ENOX1: variants seen among roughly 807,000 people sequenced by gnomAD.
ENOX1 encodes the protein candidate growth-related and time keeping constitutive hydroquinone (NADH) oxidase.
In ENOX1, 42 loss-of-function variants were observed where a neutral mutation model predicts 82.5. The ratio of observed to expected loss-of-function variants is 0.51; its 90% CI spans 0.40 to 0.66. ENOX1 has a LOEUF of 0.66. Among genes scored for constraint, ENOX1 ranks in the 30% least tolerant of loss-of-function variants. The probability of loss-of-function intolerance (pLI) is 0.00; values close to 1 mark genes in which losing one functional copy is unlikely to be tolerated. For synonymous variants in ENOX1, 271 were observed against 282.2 expected, an observed-to-expected ratio of 0.96 and a Z score of 0.40; for missense variants, 608 against 811.6, an observed-to-expected ratio of 0.75 and a Z score of 3.05.
At chr13:43,742,711 C>A (rs191829265) in intron 1 of ENOX1, among the ~76,000 whole-genome samples, 1 of 152,226 alleles carries the variant, frequency 6.6e-6, no homozygotes, top group East Asian at 1.9e-4. Flanking sequence ...GTGGCTCAAC[C>A]AAGAGAGTAG....
chr13:43,637,587 T>C (rs1328304141), intron 2 of ENOX1, among the ~76,000 whole-genome samples: 4 of 151,786 alleles, frequency 2.6e-5, no homozygotes, highest in Non-Finnish European at 5.9e-5. Context: ...GAAGGCAAAG[T>C]TAGAACATGT....
intron 2 of ENOX1, among the ~76,000 whole-genome samples, chr13:43,512,096 T>C (rs1424262788): frequency 3.3e-5 from 5 of 152,174 alleles, no homozygotes; most frequent in African/African-American, 9.7e-5. Flanking sequence ...CATATACATG[T>C]ATTCATTATT....
chr13:43,218,929 G>C (rs957740549), intron 16 of ENOX1, among the ~76,000 whole-genome samples: 2 of 152,090 alleles, frequency 1.3e-5, no homozygotes, highest in Non-Finnish European at 2.9e-5. Context: ...TAATTTGTCA[G>C]CTATTATCAT....
Position 43,484,083 on chromosome 13 carries a change from C to G in ENOX1, c.-149G>C, listed in dbSNP as rs1036799744. On this transcript the variant is annotated 5_prime_UTR_variant, in exon 3 of 17. Transcript: ENST00000690772. ...ATTGAAACCATGTATTCATAAAAGT[C>G]TTTTAAATGGATGCTCTTCACAAAG... The G allele has an allele frequency of 2.0e-6, 2 of 985,298 alleles. No individual in the cohort carries two copies. Among genetic ancestry groups the G allele is most frequent in the Admixed American group, 1.2e-4 (2 of 16,240 alleles). 61.0% of individuals were successfully genotyped at this position (985,298 alleles called of 1,614,324 possible).
chr13:43,483,709 T>C (rs560764851), intron 3 of ENOX1, among the ~76,000 whole-genome samples: 2 of 152,330 alleles, frequency 1.3e-5, no homozygotes, highest in South Asian at 2.1e-4. Context: ...ATGCTTGGCA[T>C]AAATTTATTG....
chr13:43,619,628 C>T (rs186941342), intron 2 of ENOX1, among the ~76,000 whole-genome samples: 2 of 152,004 alleles, frequency 1.3e-5, no homozygotes, highest in East Asian at 1.9e-4. Flanking sequence ...ATTATCTTTT[C>T]GATATGTTGT....
intron 8 of ENOX1, among the ~76,000 whole-genome samples, chr13:43,352,508 G>T (rs1200175076): frequency 6.6e-6 from 1 of 152,142 alleles, no homozygotes; most frequent in Non-Finnish European, 1.5e-5. Context: ...TCATCTGCCT[G>T]GTTGCCACTG....
At chr13:43,774,162 T>C (rs1247135294) in intron 1 of ENOX1, among the ~76,000 whole-genome samples, 1 of 152,182 alleles carries the variant, frequency 6.6e-6, no homozygotes, top group Non-Finnish European at 1.5e-5. Context: ...AAAAACTCTC[T>C]CTTCATGCCA....
At chr13:43,699,654 T>C (rs1489742036) in intron 1 of ENOX1, among the ~76,000 whole-genome samples, 1 of 152,192 alleles carries the variant, frequency 6.6e-6, no homozygotes, top group Non-Finnish European at 1.5e-5. Flanking sequence ...TTAGTTCATG[T>C]TTTGAATATT....
chr13:43,470,397 T>TACATATATATAC (rs1182841847), intron 3 of ENOX1, among the ~76,000 whole-genome samples: 2 of 108,236 alleles, frequency 1.8e-5, no homozygotes, highest in African/African-American at 6.5e-5. Context: ...CGTATATATA[T>TACATATATATAC]GTGTATATAT....
At chr13:43,593,644 C>T in intron 2 of ENOX1, among the ~76,000 whole-genome samples, 1 of 129,982 alleles carries the variant, frequency 7.7e-6, no homozygotes, top group Non-Finnish European at 1.6e-5. Flanking sequence ...TATTCCCCCA[C>T]CCCCACCCTG....
chr13:43,609,543 A>G (rs1415421570), intron 2 of ENOX1, among the ~76,000 whole-genome samples: 1 of 152,220 alleles, frequency 6.6e-6, no homozygotes, highest in Non-Finnish European at 1.5e-5. Context: ...TCTAATGACA[A>G]CAACCTCATA....
intron 2 of ENOX1, among the ~76,000 whole-genome samples, chr13:43,543,293 T>C (rs960132839): frequency 6.6e-6 from 1 of 152,206 alleles, no homozygotes; most frequent in Non-Finnish European, 1.5e-5. Flanking sequence ...TTTCCAAACA[T>C]CATGTTTTGA....
intron 1 of ENOX1, among the ~76,000 whole-genome samples, chr13:43,746,457 C>T (rs573617818): frequency 6.6e-6 from 1 of 152,122 alleles, no homozygotes; most frequent in African/African-American, 2.4e-5. Flanking sequence ...GAGGTTAGGG[C>T]AGGAGACAGG....
intron 2 of ENOX1, among the ~76,000 whole-genome samples, chr13:43,536,095 T>G (rs1399770879): frequency 6.6e-6 from 1 of 152,206 alleles, no homozygotes; most frequent in Non-Finnish European, 1.5e-5. Flanking sequence ...CCCTATTAAA[T>G]GCCATCTTTT....
At chr13:43,498,980 T>G (rs993540024) in intron 2 of ENOX1, among the ~76,000 whole-genome samples, 1 of 152,242 alleles carries the variant, frequency 6.6e-6, no homozygotes, top group Admixed American at 6.5e-5. Flanking sequence ...TAATCAAGGT[T>G]CACACATCAC....
intron 5 of ENOX1, among the ~76,000 whole-genome samples, chr13:43,391,695 C>T (rs2052788434): frequency 6.6e-6 from 1 of 152,100 alleles, no homozygotes; most frequent in African/African-American, 2.4e-5. Flanking sequence ...TCCAATTTGT[C>T]CTTATCTCTC....
At chr13:43,283,089 A>AC (rs1253629416) in intron 12 of ENOX1, among the ~76,000 whole-genome samples, 1 of 94,204 alleles carries the variant, frequency 1.1e-5, no homozygotes, top group Non-Finnish European at 2.6e-5. Context: ...TCTCAAGAAA[A>AC]GAAAAAAAAA....
At chr13:43,477,052 T>A (rs201053459) in intron 3 of ENOX1, among the ~76,000 whole-genome samples, 2 of 149,702 alleles carry the variant, frequency 1.3e-5, no homozygotes, top group African/African-American at 2.5e-5. Flanking sequence ...TCTAAAAAAA[T>A]AAAAAAAAAA....
Sources: allele counts gnomAD v4.1 joint callset (sites outside exome capture counted in the v4.1 genomes callset), GRCh38; gene constraint gnomAD v4.1.1; transcripts MANE v1.5; gene names NCBI Gene and HGNC (gene_info 2026-07-23, HGNC 2026-07-21).